LRP2: variants seen among roughly 807,000 people sequenced by gnomAD.
LRP2 encodes the protein low-density lipoprotein receptor-related protein 2.
A neutral mutation model predicts 531.0 loss-of-function variants in LRP2; 172 were observed. The ratio of observed to expected loss-of-function variants is 0.32; its 90% CI spans 0.29 to 0.37. LRP2 has a LOEUF of 0.37. Among genes scored for constraint, LRP2 ranks in the 10% least tolerant of loss-of-function variants. The pLI, the probability that LRP2 is intolerant of heterozygous loss-of-function variation, is 1.00. For missense variants in LRP2, 5,167 were observed against 5,868.3 expected (o/e 0.88, Z 3.90); for synonymous variants, 1,992 against 2,027.6 (o/e 0.98, Z 0.47).
intron 6 of LRP2, among the ~76,000 whole-genome samples, chr2:169,293,567 C>T (rs1308872357): frequency 4.6e-5 from 7 of 152,090 alleles, no homozygotes; most frequent in African/African-American, 9.7e-5. Context: ...CCCAGCTATT[C>T]GGGAGGCTGA....
intron 1 of LRP2, among the ~76,000 whole-genome samples, chr2:169,346,564 G>A (rs935098436): frequency 6.6e-6 from 1 of 152,116 alleles, no homozygotes; most frequent in Admixed American, 6.5e-5. Flanking sequence ...ACAGAGCTAG[G>A]CACAGTGGCA....
At chr2:169,149,992 C>T (rs2105352725) in intron 68 of LRP2, among the ~76,000 whole-genome samples, 1 of 152,266 alleles carries the variant, frequency 6.6e-6, no homozygotes, top group South Asian at 2.1e-4. Context: ...ATAGAACACA[C>T]TGCATCTCTT....
In LRP2 at chr2:169,188,062, T is replaced by G; in HGVS notation, c.9236A>C (p.Glu3079Ala). ...HTPEPTCPPH[E>A]FKCDNGRCIE... ...GCAGCGCCCATTGTCACACTTGAAC[T>G]CGTGAGGTGGACACGTGGGTTCTGG... Residue 3079 changes from glutamate to alanine, a missense_variant, in exon 49 of 79, where the codon GAG (glutamate) becomes GCG (alanine). Glu to Ala is a moderately radical substitution (Grantham distance 107, BLOSUM62 -1). Coordinates refer to ENST00000649046, the MANE Select transcript of LRP2 (RefSeq NM_004525.3). 6.2e-7 allele frequency: 1 copy of G among 1,614,152 alleles called. No homozygotes were observed. Among genetic ancestry groups the G allele is most frequent in the Non-Finnish European group, 8.5e-7 (1 of 1,180,006 alleles).
At chr2:169,264,768 G>T (rs1690724523) in intron 16 of LRP2, among the ~76,000 whole-genome samples, 1 of 152,004 alleles carries the variant, frequency 6.6e-6, no homozygotes, top group African/African-American at 2.4e-5. Context: ...GAGGAACTAA[G>T]GGGCTCAGAT....
Position 169,156,299 on chromosome 2 carries a change from G to T in LRP2, c.12126C>A (p.Arg4042=). The T allele has an allele frequency of 6.2e-7, 1 of 1,613,614 alleles. No individual in the cohort carries two copies. ...CADGFTSMSD[R]PGKRCAAEGS... is the part of the protein sequence containing the mutation. ...CCTCAGCTGCACATCGTTTTCCAGG[G>T]CGGTCACTCATAGACGTGAAGCCAT... Residue 4042 remains arginine, a synonymous_variant, in exon 65 of 79, where the codon CGC becomes CGA. Transcript: ENST00000649046.
chr2:169,197,587 A>G (rs543904764), intron 45 of LRP2, among the ~76,000 whole-genome samples: 1 of 152,336 alleles, frequency 6.6e-6, no homozygotes, highest in South Asian at 2.1e-4. Flanking sequence ...AATTTTAGGT[A>G]GCTCTGGTTA....
intron 41 of LRP2, 115 bp downstream of exon 41, chr2:169,205,364 C>A: frequency 8.9e-7 from 1 of 1,125,078 alleles, no homozygotes; most frequent in African/African-American, 1.5e-5. Context: ...ATTCTATATT[C>A]TGGCAATGTC....
Position 169,205,590 on chromosome 2 carries a change from G to A in LRP2, c.7604C>T (p.Ala2535Val), listed in dbSNP as rs146024575. Reference protein sequence around the residue: ...DWDTHAKIERATLGGNFRVPI... With the variant: ...DWDTHAKIERVTLGGNFRVPI... ...TACGCGGAAGTTTCCTCCCAATGTG[G>A]CTCTCTCGATTTTGGCATGTGTATC... Residue 2535 changes from alanine (A) to valine (V), a missense_variant, in exon 41 of 79, where the codon GCC (alanine) becomes GTC (valine). This residue lies in a region of LRP2 where 1,129 missense variants were observed against 1,362.7 expected (regional missense o/e 0.83). Transcript: ENST00000649046. The A allele has an allele frequency of 1.4e-5, 23 of 1,613,684 alleles. No individual in the cohort carries two copies. The highest frequency in any genetic ancestry group is 1.3e-4 in the African/African-American group (10 of 74,798).
chr2:169,284,026 C>A (rs1216974185), intron 9 of LRP2, among the ~76,000 whole-genome samples: 1 of 152,054 alleles, frequency 6.6e-6, no homozygotes, highest in Non-Finnish European at 1.5e-5. Flanking sequence ...CAAACTATAA[C>A]AATAGAGTTC....
chr2:169,203,075 A>G, intron 42 of LRP2, 116 bp from the exon 43 acceptor site: 1 of 817,960 alleles, frequency 1.2e-6, no homozygotes, highest in Non-Finnish European at 2.1e-6. Context: ...AAGAAGCGCC[A>G]TGGAAGTTCT....
In LRP2 at chr2:169,285,153, T is replaced by TA. The variant is rs58043794; in HGVS notation, c.1043-2153dup. Among the ~76,000 whole-genome samples the TA allele has an allele frequency of 2.1e-3, 284 of 134,682 alleles. 1 individual carries two copies. The highest frequency in any genetic ancestry group is 3.8e-3 in the Middle Eastern group (1 of 260). The allele number at this position is 134,682 out of a possible 152,430, so 88.4% of individuals were successfully genotyped here. ...GCAAGGGTTTATGTGTACTAAGAAT[T>TA]AAAAAAAAAAAAAAAAAAATTAGCC... On this transcript the variant is annotated intron_variant, in intron 9 of 78. Coordinates refer to ENST00000649046, the MANE Select transcript of LRP2 (RefSeq NM_004525.3).
Position 169,247,358 on chromosome 2 carries a change from A to T in LRP2, c.2908+20T>A. 6.2e-7 allele frequency: 1 copy of T among 1,613,822 alleles called. No homozygotes were observed. Among genetic ancestry groups the T allele is most frequent in the Non-Finnish European group, 8.5e-7 (1 of 1,179,964 alleles). On this transcript the variant is annotated intron_variant, in intron 20 of 78. Coordinates refer to ENST00000649046, the MANE Select transcript of LRP2 (RefSeq NM_004525.3). ...TAAACCCATACAAAAAAATAAAAAA[A>T]ACTGGGCAATCTCACTCACCAGTCT...
At position 169,279,489 on chromosome 2, in the gene LRP2, A is replaced by G; in HGVS notation, c.1448T>C (p.Leu483Pro). The change falls in exon 12 of 79, where the codon CTA (leucine) becomes CCA (proline). Residue 483 changes from leucine (L) to proline (P), a missense_variant. Around this residue, in one of 6 missense-constraint regions of LRP2, gnomAD observed 2,811 missense variants for 3,058.0 expected, o/e 0.92. Coordinates refer to ENST00000649046, the MANE Select transcript of LRP2 (RefSeq NM_004525.3). ...TATGCGGTTGACCTTGGTTTCCACTAGATAGATTTTATTATTAACCCAGTC... is the reference window on the plus strand; with the variant it reads ...TATGCGGTTGACCTTGGTTTCCACTGGATAGATTTTATTATTAACCCAGTC... Reference protein sequence around the residue: ...AVDWVNNKIYLVETKVNRIDM... With the variant: ...AVDWVNNKIYPVETKVNRIDM... 1 of 1,613,776 alleles carries G rather than the reference A, an allele frequency of 6.2e-7. No homozygotes were observed. The highest frequency in any genetic ancestry group is 8.5e-7 in the Non-Finnish European group (1 of 1,179,714).
At chr2:169,345,518 A>G (rs1685672546) in intron 1 of LRP2, among the ~76,000 whole-genome samples, 1 of 152,186 alleles carries the variant, frequency 6.6e-6, no homozygotes, top group South Asian at 2.1e-4. Flanking sequence ...GCCACAAAGG[A>G]GTAGCACAAG....
At chr2:169,219,344 TA>T (rs547889691) in intron 34 of LRP2, among the ~76,000 whole-genome samples, 29 of 150,212 alleles carry the variant, frequency 1.9e-4, no homozygotes, top group Admixed American at 3.3e-4. Flanking sequence ...ACAATCTCTT[TA>T]AAAAAAAAAT....
chr2:169,353,979 G>A (rs994950018), intron 1 of LRP2, among the ~76,000 whole-genome samples: 2 of 152,120 alleles, frequency 1.3e-5, no homozygotes, highest in African/African-American at 2.4e-5. Flanking sequence ...ACCCTCTCTG[G>A]CCTGGGTGAT....
chr2:169,147,671 G>C (rs1685966798), intron 68 of LRP2, among the ~76,000 whole-genome samples: 2 of 152,134 alleles, frequency 1.3e-5, no homozygotes, highest in Admixed American at 6.5e-5. Context: ...TAGAGCAAGG[G>C]TCTATGTAAG....
At chr2:169,308,941 T>A (rs568955725) in intron 3 of LRP2, among the ~76,000 whole-genome samples, 4 of 152,136 alleles carry the variant, frequency 2.6e-5, no homozygotes. Flanking sequence ...GATATCTCAT[T>A]GTGGTTTTGA....
chr2:169,176,721 TC>T, intron 53 of LRP2, 133 bp from the exon 54 acceptor site: 1 of 786,988 alleles, frequency 1.3e-6, no homozygotes, highest in Non-Finnish European at 2.1e-6. Context: ...TTTATGATTT[TC>T]CCAAAAGTTC....
Sources: gnomAD v4.1 joint callset for allele counts (sites outside exome capture counted in the v4.1 genomes callset) on GRCh38, gnomAD v4.1.1 for gene constraint, gnomAD v4.1.1 regional missense constraint, MANE v1.5 for transcripts, NCBI Gene and HGNC (gene_info 2026-07-23, HGNC 2026-07-21) for gene names.